Variants in ZNF774 observed in about 807,000 individuals in gnomAD.
ZNF774 encodes zinc finger protein 774.
ZNF774 carries 14 observed loss-of-function variants against 11.1 expected under a neutral mutation model. That is an observed-to-expected ratio of 1.26 (90% CI 0.83 to 1.97). The LOEUF is 1.97. Ranked by LOEUF, ZNF774 falls within the 30% of genes most tolerant of loss-of-function variation. The pLI is 0.00. For missense variants in ZNF774, 599 were observed against 587.0 expected, an observed-to-expected ratio of 1.02 and a Z score of -0.21; for synonymous variants, 195 against 212.6, an observed-to-expected ratio of 0.92 and a Z score of 0.72.
At position 90,361,305 on chromosome 15, in the gene ZNF774, C is replaced by A; in HGVS notation, c.*22C>A. 4 of 1,563,660 alleles carry A rather than the reference C, an allele frequency of 2.6e-6. No homozygotes were observed. The highest frequency in any genetic ancestry group is 3.5e-6 in the Non-Finnish European group (4 of 1,155,898). ...TTAGGAAGTAGTCTTTGGTGTTCAG[C>A]TGCTCCCTTGCACATTTTCATTGCT... On this transcript the variant is annotated 3_prime_UTR_variant, in exon 4 of 4. Coordinates refer to ENST00000354377, the MANE Select transcript of ZNF774 (RefSeq NM_001004309.3).
chr15:90,355,554 C>A lies in ZNF774; in HGVS notation c.104+790C>A. The A allele has an allele frequency of 7.7e-6, 3 of 391,970 alleles. No homozygotes were observed. The East Asian group carries it at 2.2e-4, about 28-fold the overall frequency. The allele number at this position is 391,970 out of a possible 1,614,324, so 24.3% of individuals were successfully genotyped here. ...CCTGGCCAACATGATGAAACCCTGTCTCTACTAAAAATAAAAAAATTAGCT... is the reference window on the plus strand; with the variant it reads ...CCTGGCCAACATGATGAAACCCTGTATCTACTAAAAATAAAAAAATTAGCT... On this transcript the variant is annotated intron_variant, in intron 2 of 3. Coordinates refer to ENST00000354377, the MANE Select transcript of ZNF774 (RefSeq NM_001004309.3).
intron 3 of ZNF774, 142 bp from the exon 4 acceptor site, chr15:90,359,901 C>A: frequency 1.1e-6 from 1 of 935,832 alleles, no homozygotes; most frequent in Non-Finnish European, 1.6e-6. Context: ...CCTCAATAAA[C>A]TTTTCACAAA....
At chr15:90,353,906 G>A (rs868847795) in intron 1 of ZNF774, among the ~76,000 whole-genome samples, 14 of 152,062 alleles carry the variant, frequency 9.2e-5, no homozygotes, top group South Asian at 8.3e-4. Flanking sequence ...ATAAATGACT[G>A]ATCCATCCAG....
intron 2 of ZNF774, among the ~76,000 whole-genome samples, chr15:90,358,194 C>T (rs1481688225): frequency 1.3e-5 from 2 of 152,094 alleles, no homozygotes; most frequent in African/African-American, 4.8e-5. Flanking sequence ...CCTCTTATCC[C>T]TATTTTATTG....
chr15:90,359,825 A>G (rs1038640515), intron 3 of ZNF774, among the ~76,000 whole-genome samples: 1 of 151,266 alleles, frequency 6.6e-6, no homozygotes, highest in Admixed American at 6.6e-5. Flanking sequence ...AAGGATATCA[A>G]GATTCATCTG....
chr15:90,356,068 A>C (rs1327885379), intron 2 of ZNF774, among the ~76,000 whole-genome samples: 2 of 149,286 alleles, frequency 1.3e-5, no homozygotes, highest in Non-Finnish European at 3.0e-5. Context: ...AAACACCTCC[A>C]ATGCTCTTTC....
In ZNF774 at chr15:90,360,027, T is replaced by TA. The variant is rs1964303518; in HGVS notation, c.212-15dup. 1.9e-6 allele frequency: 3 copies of TA among 1,583,144 alleles called. No homozygotes were observed. Among genetic ancestry groups the TA allele is most frequent in the Non-Finnish European group, 8.6e-7 (1 of 1,165,306 alleles). On this transcript the variant is annotated splice_polypyrimidine_tract_variant and intron_variant, in intron 3 of 3. Transcript: ENST00000354377. ...ACTGATAACTTTATTCTCTGTTACT[T>TA]ACATTAATTTTTCAGACTGTGAGCA...
Position 90,361,162 on chromosome 15 carries a change from C to G in ZNF774, c.1331C>G (p.Ser444Cys), listed in dbSNP as rs759550267. The G allele has an allele frequency of 4.3e-6, 7 of 1,614,196 alleles. No individual in the cohort carries two copies. In the East Asian group the frequency reaches 1.6e-4, roughly 36 times the overall value. ...TGTGGCAAGACCTTCAATCAGCGTT[C>G]CCATTTCCTCACACACCAGAGAACG... ...PECGKTFNQR[S>C]HFLTHQRTHT... The change falls in exon 4 of 4, where the codon TCC (serine) becomes TGC (cysteine). Residue 444 changes from serine (S) to cysteine (C), a missense_variant. By Grantham distance (112) the Ser-to-Cys change is moderately radical. Coordinates refer to ENST00000354377, the MANE Select transcript of ZNF774 (RefSeq NM_001004309.3).
In ZNF774 at chr15:90,360,608, C is replaced by T. The variant is rs749390415; in HGVS notation, c.777C>T (p.Gly259=). The T allele has an allele frequency of 7.4e-6, 12 of 1,613,708 alleles. No homozygotes were observed. In the African/African-American group the frequency reaches 8.0e-5, roughly 11 times the overall value. ...HLIMHQRTHT[G]EKPYACLECH... ...TAATGCACCAAAGAACCCACACAGG[C>T]GAGAAGCCCTACGCGTGCCTGGAAT... Residue 259 remains glycine, a synonymous_variant, in exon 4 of 4, where the codon GGC becomes GGT. Transcript: ENST00000354377.
intron 1 of ZNF774, among the ~76,000 whole-genome samples, chr15:90,354,362 A>C (rs2589968): frequency 0.15 from 22,945 of 152,222 alleles, 2,417 homozygotes; most frequent in East Asian, 0.47. Flanking sequence ...ATCGTGGACA[A>C]TTTGTTCCTC....
chr15:90,360,496 T>G lies in ZNF774; in HGVS notation c.665T>G (p.Leu222Arg). 2 of 1,613,616 alleles carry G rather than the reference T, an allele frequency of 1.2e-6. No individual in the cohort carries two copies. Among genetic ancestry groups the G allele is most frequent in the Non-Finnish European group, 8.5e-7 (1 of 1,179,984 alleles). ...CEKKFSDSST[L>R]IKHQRTHTGE... ...AAGAAATTCAGCGACAGCTCAACAC[T>G]CATCAAACATCAGAGAACCCACACA... Residue 222 changes from leucine (L) to arginine (R), a missense_variant, in exon 4 of 4, where the codon CTC becomes CGC. Physicochemically the swap from Leu to Arg is moderately radical, Grantham distance 102. Transcript: ENST00000354377.
rs1310574155 is a variant in ZNF774, at chr15:90,362,686, T to A, written c.*1403T>A. 1 of 1,088,040 alleles carries A rather than the reference T, an allele frequency of 9.2e-7. No homozygotes were observed. The highest frequency in any genetic ancestry group is 1.6e-5 in the African/African-American group (1 of 63,938). The allele number at this position is 1,088,040 out of a possible 1,614,324, so 67.4% of individuals were successfully genotyped here. On this transcript the variant is annotated 3_prime_UTR_variant, in exon 4 of 4. Coordinates refer to ENST00000354377, the MANE Select transcript of ZNF774 (RefSeq NM_001004309.3). ...GCCCTGACGCTTAATTTGGCCAGACTTTCATCTTCTCCCAGCCTCAAGTTT... is the reference window on the plus strand; with the variant it reads ...GCCCTGACGCTTAATTTGGCCAGACATTCATCTTCTCCCAGCCTCAAGTTT...
rs1964274915 is a variant in ZNF774, at chr15:90,358,259, TA to T, written c.105-590del. On this transcript the variant is annotated intron_variant, in intron 2 of 3. Coordinates refer to ENST00000354377, the MANE Select transcript of ZNF774 (RefSeq NM_001004309.3). ...AACTTTCTTAAGGCCACACAGCTTG[TA>T]AGAGGCAGGATGATGACTCAGACCC... Among the ~76,000 whole-genome samples the T allele has an allele frequency of 2.0e-5, 3 of 152,374 alleles. No homozygotes were observed. In the South Asian group the frequency reaches 6.2e-4, roughly 32 times the overall value.
intron 3 of ZNF774, 133 bp from the exon 4 acceptor site, chr15:90,359,910 A>G: frequency 1.0e-6 from 1 of 1,004,718 alleles, no homozygotes; most frequent in Non-Finnish European, 1.4e-6. Flanking sequence ...ACTTTTCACA[A>G]AGTGAAAACA....
rs760847587 is a variant in ZNF774, at chr15:90,360,266, A to T, written c.435A>T (p.Gly145=). ...QERDLNKLLD[G]YVGEKPMCAE... Reference sequence around the variant, plus strand: ...GGGATTTAAACAAGCTCCTGGATGGATATGTAGGAGAGAAGCCTATGTGTG... The same window carrying T: ...GGGATTTAAACAAGCTCCTGGATGGTTATGTAGGAGAGAAGCCTATGTGTG... Residue 145 remains glycine (G), a synonymous_variant, in exon 4 of 4, where the codon GGA becomes GGT. Coordinates refer to ENST00000354377, the MANE Select transcript of ZNF774 (RefSeq NM_001004309.3). 1.4e-5 allele frequency: 22 copies of T among 1,614,070 alleles called. No homozygotes were observed. The highest frequency in any genetic ancestry group is 2.7e-5 in the African/African-American group (2 of 74,918).
In ZNF774 at chr15:90,360,511, G is replaced by A; in HGVS notation, c.680G>A (p.Arg227Lys). ...AGCTCAACACTCATCAAACATCAGA[G>A]AACCCACACAGGGGAGAGACCCTAT... The part of the protein sequence containing the change: ...SDSSTLIKHQ[R>K]THTGERPYEC... The change falls in exon 4 of 4, where the codon AGA (arginine) becomes AAA (lysine). Residue 227 changes from arginine to lysine, a missense_variant. Coordinates refer to ENST00000354377, the MANE Select transcript of ZNF774 (RefSeq NM_001004309.3). 6.2e-7 allele frequency: 1 copy of A among 1,613,958 alleles called. No individual in the cohort carries two copies. The highest frequency in any genetic ancestry group is 8.5e-7 in the Non-Finnish European group (1 of 1,180,026).
At chr15:90,357,127 A>G (rs1964259621) in intron 2 of ZNF774, among the ~76,000 whole-genome samples, 3 of 152,206 alleles carry the variant, frequency 2.0e-5, no homozygotes, top group African/African-American at 4.8e-5. Context: ...TTCCAAGAAG[A>G]TTGAATCAAT....
chr15:90,357,343 C>T (rs939328352), intron 2 of ZNF774, among the ~76,000 whole-genome samples: 2 of 152,004 alleles, frequency 1.3e-5, no homozygotes, highest in Non-Finnish European at 1.5e-5. Context: ...CCTGTCTCTA[C>T]AAAAAGTTAC....
chr15:90,355,000 T>G (rs1964224777), intron 2 of ZNF774, among the ~76,000 whole-genome samples: 1 of 152,178 alleles, frequency 6.6e-6, no homozygotes, highest in Non-Finnish European at 1.5e-5. Context: ...TTTGCTATGT[T>G]GGCAAGGCTG....
Sources: gnomAD v4.1 joint callset for allele counts (sites outside exome capture counted in the v4.1 genomes callset) on GRCh38, gnomAD v4.1.1 for gene constraint, MANE v1.5 for transcripts, NCBI Gene and HGNC (gene_info 2026-07-23, HGNC 2026-07-21) for gene names.